The following SLCO3A1 variants were observed in gnomAD, a reference collection of about 807,000 sequenced individuals.
SLCO3A1 encodes the protein solute carrier organic anion transporter family member 3A1.
Under a neutral mutation model 63.1 loss-of-function variants are expected in SLCO3A1, and 27 were observed. The observed-to-expected ratio is 0.43, with a 90% CI of 0.32 to 0.59. SLCO3A1 has a LOEUF of 0.59. Among genes scored for constraint, SLCO3A1 ranks in the 20% least tolerant of loss-of-function variants. The pLI, the probability that SLCO3A1 is intolerant of heterozygous loss-of-function variation, is 0.09. For synonymous variants in SLCO3A1, 473 were observed against 409.9 expected, an observed-to-expected ratio of 1.15 and a Z score of -1.86; for missense variants, 773 against 945.8, an observed-to-expected ratio of 0.82 and a Z score of 2.40.
In SLCO3A1 at chr15:91,862,169, T is replaced by A. The variant is rs929200723; in HGVS notation, c.180+8081T>A. Among the ~76,000 whole-genome samples, 3 of 152,124 alleles carry A rather than the reference T, an allele frequency of 2.0e-5. No homozygotes were observed. Among genetic ancestry groups the A allele is most frequent in the African/African-American group, 7.2e-5 (3 of 41,484 alleles). On this transcript the variant is annotated intron_variant, in intron 1 of 9. Coordinates refer to ENST00000318445, the MANE Select transcript of SLCO3A1 (RefSeq NM_013272.4). The surrounding 1 kb of genome is among the most constrained non-coding windows in gnomAD (Gnocchi z 4.0). ...TCTTATTTTTTTATTTTTTATTTTTTTTTTGAGACAGTCTCACACTGTTGC... is the reference window on the plus strand; with the variant it reads ...TCTTATTTTTTTATTTTTTATTTTTATTTTGAGACAGTCTCACACTGTTGC...
intron 1 of SLCO3A1, among the ~76,000 whole-genome samples, chr15:91,893,598 C>A (rs552237899): frequency 6.6e-6 from 1 of 152,272 alleles, no homozygotes; most frequent in Non-Finnish European, 1.5e-5. Flanking sequence ...GGCTTCACCT[C>A]CTAATACTAT....
At chr15:91,935,844 C>T (rs997707350) in intron 2 of SLCO3A1, among the ~76,000 whole-genome samples, 3 of 151,278 alleles carry the variant, frequency 2.0e-5, no homozygotes, top group Non-Finnish European at 4.4e-5. Context: ...TAACCAATCT[C>T]AGTGGGGTCT....
intron 2 of SLCO3A1, among the ~76,000 whole-genome samples, chr15:92,002,815 G>A (rs1250722146): frequency 6.6e-6 from 1 of 152,058 alleles, no homozygotes; most frequent in Non-Finnish European, 1.5e-5. Context: ...TTTTCTAGTA[G>A]AACACAAGGG....
In SLCO3A1 at chr15:92,005,745, G is replaced by A. The variant is rs116865399; in HGVS notation, c.647-89136G>A. On this transcript the variant is annotated intron_variant, in intron 2 of 9. Transcript: ENST00000318445. The stretch of plus-strand genomic sequence containing the variant: ...ACGCTAGCTCACTTTTACACAACCC[G>A]ATAGATTTCTTGATGTTATGCACTG... Among the ~76,000 whole-genome samples the A allele has an allele frequency of 2.2e-3, 340 of 152,246 alleles. 6 individuals are homozygous for A. The highest frequency in any genetic ancestry group is 0.014 in the Admixed American group (216 of 15,286).
At chr15:91,919,854 C>T (rs927628304) in intron 2 of SLCO3A1, among the ~76,000 whole-genome samples, 2 of 151,770 alleles carry the variant, frequency 1.3e-5, no homozygotes, top group Non-Finnish European at 2.9e-5. Flanking sequence ...TCACCGTTTA[C>T]AATTTTGAAT....
chr15:91,992,031 C>A (rs2046132289), intron 2 of SLCO3A1, among the ~76,000 whole-genome samples: 1 of 152,210 alleles, frequency 6.6e-6, no homozygotes, highest in African/African-American at 2.4e-5. Context: ...TCGTGCATGG[C>A]TTCCAATAAT....
rs374125285 is a variant in SLCO3A1, at chr15:91,896,368, C to T, written c.181-19625C>T. ...AAAAGTCAGATCCATGGTGCAGTCA[C>T]GATTGCTTCTCTGAGGTAGGACTCC... On this transcript the variant is annotated intron_variant, in intron 1 of 9. Coordinates refer to ENST00000318445, the MANE Select transcript of SLCO3A1 (RefSeq NM_013272.4). Among the ~76,000 whole-genome samples the T allele has an allele frequency of 5.6e-4, 85 of 152,234 alleles. 1 individual carries two copies. Among genetic ancestry groups the T allele is most frequent in the African/African-American group, 1.9e-3 (80 of 41,552 alleles).
intron 2 of SLCO3A1, among the ~76,000 whole-genome samples, chr15:91,935,435 T>C (rs1899376818): frequency 6.6e-6 from 1 of 152,174 alleles, no homozygotes; most frequent in African/African-American, 2.4e-5. Flanking sequence ...AAACAGGACC[T>C]GGGCTAGAGA....
rs776746205 is a variant in SLCO3A1 at position 92,126,247 on chromosome 15, C to G, written c.1361C>G (p.Pro454Arg). ...DTGPVAGVTV[P>R]YGNSTAPGSA... ...GGCCCTGTGGCTGGGGTTACTGTTC[C>G]CTATGGAAACAGGTGAGTACTGGCA... Residue 454 changes from proline to arginine, a missense_variant, in exon 6 of 10, where the codon CCC becomes CGC. Pro to Arg is a moderately radical substitution (Grantham distance 103, BLOSUM62 -2). This residue lies in a region of SLCO3A1 where 565 missense variants were observed against 749.8 expected (regional missense o/e 0.75). Transcript: ENST00000318445. 2 of 1,613,940 alleles carry G rather than the reference C, an allele frequency of 1.2e-6. No individual in the cohort carries two copies. The highest frequency in any genetic ancestry group is 1.1e-5 in the South Asian group (1 of 91,068).
chr15:92,050,434 A>T (rs1488927246), intron 2 of SLCO3A1, among the ~76,000 whole-genome samples: 3 of 152,232 alleles, frequency 2.0e-5, no homozygotes, highest in African/African-American at 7.2e-5. Context: ...GAGTCCCTGC[A>T]CACGGAGGCA....
At chr15:91,972,843 G>A (rs115779758) in intron 2 of SLCO3A1, among the ~76,000 whole-genome samples, 25 of 152,232 alleles carry the variant, frequency 1.6e-4, no homozygotes, top group Middle Eastern at 3.4e-3. Context: ...CAGTGGGGCC[G>A]GGCATGGTGG....
At chr15:92,018,598 C>G (rs925506099) in intron 2 of SLCO3A1, among the ~76,000 whole-genome samples, 7 of 152,200 alleles carry the variant, frequency 4.6e-5, no homozygotes, top group Non-Finnish European at 7.3e-5. Context: ...GCAGCCTGAC[C>G]TCAGGTCTGG....
Position 91,900,871 on chromosome 15 carries a change from C to T in SLCO3A1, c.181-15122C>T, listed in dbSNP as rs1267140683. Among the ~76,000 whole-genome samples, 1 of 152,130 alleles carries T rather than the reference C, an allele frequency of 6.6e-6. No homozygotes were observed. Among genetic ancestry groups the T allele is most frequent in the Non-Finnish European group, 1.5e-5 (1 of 68,014 alleles). ...GTAGTTTTGTTCAAATCATCTTTAT[C>T]CTTACTGATTTTCTGTCTCATTGTT... On this transcript the variant is annotated intron_variant, in intron 1 of 9. Transcript: ENST00000318445. This position sits in a 1 kb window ranked among gnomAD's most constrained non-coding sequence, Gnocchi z 4.3.
chr15:92,165,529 C>A lies in SLCO3A1; in HGVS notation c.*2394C>A. ...GAAAAAAAAAAGAAAGTTTTTTAAA[C>A]TCTTTGCATTTTGGATTTTTTTTCC... On this transcript the variant is annotated 3_prime_UTR_variant, in exon 10 of 10. Transcript: ENST00000318445. 1.0e-6 allele frequency: 1 copy of A among 983,116 alleles called. No homozygotes were observed. Among genetic ancestry groups the A allele is most frequent in the East Asian group, 1.1e-4 (1 of 8,780 alleles). The allele number at this position is 983,116 out of a possible 1,614,324, so 60.9% of individuals were successfully genotyped here.
intron 2 of SLCO3A1, among the ~76,000 whole-genome samples, chr15:91,926,596 T>TGTGTGTGTGTGTGTGA: frequency 1.9e-5 from 2 of 105,316 alleles, no homozygotes; most frequent in Non-Finnish European, 2.1e-5. Flanking sequence ...TGTGTGTGTG[T>TGTGTGTGTGTGTGTGA]GCGCGCGCGC....
intron 2 of SLCO3A1, among the ~76,000 whole-genome samples, chr15:92,034,654 G>T (rs1212499785): frequency 2.0e-5 from 3 of 151,776 alleles, no homozygotes; most frequent in African/African-American, 7.3e-5. Flanking sequence ...TTTCCAGGAG[G>T]AAGCAGGACC....
chr15:91,916,477 G>C lies in SLCO3A1; in HGVS notation c.646+19G>C, dbSNP rs776666915. 1.6e-5 allele frequency: 24 copies of C among 1,544,496 alleles called. No homozygotes were observed. Among genetic ancestry groups the C allele is most frequent in the Middle Eastern group, 3.4e-4 (2 of 5,938 alleles). The stretch of plus-strand genomic sequence containing the variant: ...TATATAGGTAGGAGCTGCCCCAGCC[G>C]TATTAGCAAGAGACCAGGGTGTGTT... On this transcript the variant is annotated intron_variant, in intron 2 of 9. Transcript: ENST00000318445. This position sits in a 1 kb window ranked among gnomAD's most constrained non-coding sequence, Gnocchi z 6.2.
At chr15:91,986,566 A>G (rs771529776) in intron 2 of SLCO3A1, among the ~76,000 whole-genome samples, 2 of 152,102 alleles carry the variant, frequency 1.3e-5, no homozygotes, top group Non-Finnish European at 2.9e-5. Context: ...TGTGAACATT[A>G]CTAGTGAGAC....
chr15:91,889,414 G>C (rs540672122), intron 1 of SLCO3A1, among the ~76,000 whole-genome samples: 2 of 152,280 alleles, frequency 1.3e-5, no homozygotes, highest in South Asian at 4.1e-4. Flanking sequence ...ACATCCCAGG[G>C]GTATCTTGAC....
Sources: allele counts gnomAD v4.1 joint callset (sites outside exome capture counted in the v4.1 genomes callset), GRCh38; gene constraint gnomAD v4.1.1; regional missense constraint gnomAD v4.1.1; non-coding constraint Gnocchi (gnomAD v3.1); transcripts MANE v1.5; gene names NCBI Gene and HGNC (gene_info 2026-07-23, HGNC 2026-07-21).